Variants in OPCML observed in about 807,000 individuals in gnomAD.
The protein encoded by OPCML is opioid binding protein/cell adhesion molecule like, also known as opioid-binding protein/cell adhesion molecule.
A neutral mutation model predicts 37.8 loss-of-function variants in OPCML; 13 were observed. That is an observed-to-expected ratio of 0.34 (90% CI 0.22 to 0.55). OPCML has a LOEUF of 0.55. Among genes scored for constraint, OPCML ranks in the 20% least tolerant of loss-of-function variants. OPCML has a pLI of 0.91. For missense variants in OPCML, 341 were observed against 435.6 expected (o/e 0.78, Z 1.93); for synonymous variants, 176 against 168.8 (o/e 1.04, Z -0.33).
chr11:132,499,994 A>G (rs2096242165), intron 4 of OPCML, among the ~76,000 whole-genome samples: 1 of 152,200 alleles, frequency 6.6e-6, no homozygotes. Context: ...AGAAGCAGTG[A>G]AGAGGAAGGT....
intron 4 of OPCML, among the ~76,000 whole-genome samples, chr11:132,478,929 C>T (rs2096167255): frequency 6.6e-6 from 1 of 152,148 alleles, no homozygotes; most frequent in Non-Finnish European, 1.5e-5. Flanking sequence ...AAGGACTACT[C>T]ATCAGCTGAA....
At chr11:132,440,404 G>T (rs1386724179) in intron 4 of OPCML, among the ~76,000 whole-genome samples, 1 of 151,800 alleles carries the variant, frequency 6.6e-6, no homozygotes, top group Admixed American at 6.6e-5. Context: ...CCACGTTTCT[G>T]ACACATGCCC....
chr11:132,722,234 C>T lies in OPCML; in HGVS notation c.147-64915G>A, dbSNP rs139072241. Reference sequence around the variant, plus strand: ...CCTCCCAAAGTGCTGGGATTACAGGCGTGAACCACCACGTCCGGCCTATTT... The same window carrying T: ...CCTCCCAAAGTGCTGGGATTACAGGTGTGAACCACCACGTCCGGCCTATTT... On this transcript the variant is annotated intron_variant, in intron 2 of 7. Transcript: ENST00000524381. Among the ~76,000 whole-genome samples the T allele has an allele frequency of 3.0e-3, 449 of 149,794 alleles. 1 individual carries two copies. Among genetic ancestry groups the T allele is most frequent in the African/African-American group, 0.01 (425 of 40,560 alleles).
chr11:132,579,615 C>T (rs370459121), intron 3 of OPCML, among the ~76,000 whole-genome samples: 1 of 151,988 alleles, frequency 6.6e-6, no homozygotes, highest in South Asian at 2.1e-4. Flanking sequence ...CCCTCCTATC[C>T]CCAAAAGTTC....
Position 133,371,692 on chromosome 11 carries a change from T to C in OPCML, c.61+160572A>G, listed in dbSNP as rs141869100. On this transcript the variant is annotated intron_variant, in intron 1 of 7. Coordinates refer to ENST00000524381, the MANE Select transcript of OPCML (RefSeq NM_001012393.5). ...GTTTCCTGAGGCCTCCACAGCCATGTGGAACTGGGAGTCAATTAACCTCTT... is the reference window on the plus strand; with the variant it reads ...GTTTCCTGAGGCCTCCACAGCCATGCGGAACTGGGAGTCAATTAACCTCTT... Among the ~76,000 whole-genome samples, 678 of 152,364 alleles carry C rather than the reference T, an allele frequency of 4.4e-3. 3 individuals carry two copies. The highest frequency in any genetic ancestry group is 0.015 in the African/African-American group (612 of 41,584).
chr11:132,557,227 A>C (rs996734998), intron 3 of OPCML, among the ~76,000 whole-genome samples: 3 of 152,220 alleles, frequency 2.0e-5, no homozygotes, highest in African/African-American at 4.8e-5. Context: ...TGGGAGCCAG[A>C]AACCAATTTA....
chr11:133,455,994 C>T (rs1946664936), intron 1 of OPCML, among the ~76,000 whole-genome samples: 1 of 152,166 alleles, frequency 6.6e-6, no homozygotes, highest in Non-Finnish European at 1.5e-5. Context: ...TCTAACTTGT[C>T]TGTGGGCTTT....
chr11:132,658,217 A>G (rs1941797928), intron 2 of OPCML, among the ~76,000 whole-genome samples: 1 of 152,220 alleles, frequency 6.6e-6, no homozygotes. Context: ...AGGCACACCC[A>G]TCACTCCATG....
intron 1 of OPCML, among the ~76,000 whole-genome samples, chr11:133,230,986 G>C (rs948184236): frequency 2.0e-5 from 3 of 152,134 alleles, no homozygotes; most frequent in African/African-American, 4.8e-5. Flanking sequence ...TGTGCAGGGC[G>C]CTTTCCACAC....
At chr11:132,692,887 T>C (rs945405861) in intron 2 of OPCML, among the ~76,000 whole-genome samples, 7 of 152,230 alleles carry the variant, frequency 4.6e-5, no homozygotes, top group Admixed American at 3.9e-4. Context: ...GCTTTAACAA[T>C]TCCTCTAAAT....
At chr11:133,176,968 C>T (rs182948691) in intron 1 of OPCML, among the ~76,000 whole-genome samples, 86 of 152,292 alleles carry the variant, frequency 5.6e-4, no homozygotes, top group Non-Finnish European at 9.0e-4. Context: ...TGTCTTCACA[C>T]ACTCCTTGGG....
chr11:132,625,384 T>A (rs1250281336), intron 3 of OPCML, among the ~76,000 whole-genome samples: 1 of 152,160 alleles, frequency 6.6e-6, no homozygotes. Flanking sequence ...GCTTGTTGAC[T>A]CCTGTCACCT....
At chr11:133,098,150 T>C (rs1949031417) in intron 1 of OPCML, among the ~76,000 whole-genome samples, 1 of 151,390 alleles carries the variant, frequency 6.6e-6, no homozygotes, top group South Asian at 2.1e-4. Context: ...TCCAACAATG[T>C]ACAGAAAGAA....
intron 1 of OPCML, chr11:133,006,719 C>T (rs1187538435): frequency 1.0e-6 from 1 of 985,444 alleles, no homozygotes; most frequent in Non-Finnish European, 1.2e-6. Flanking sequence ...TGTTCCAGCA[C>T]CTTTCTGCAC....
Position 133,528,093 on chromosome 11 carries a change from AG to A in OPCML, c.61+4170del, listed in dbSNP as rs148435852. ...GTGCTAAGAATTCGAGAAAGCACAA[AG>A]GCAGACAGGACCGAGGGAACATGGG... is the stretch of plus-strand genomic sequence containing the variant. On this transcript the variant is annotated intron_variant, in intron 1 of 7. Transcript: ENST00000524381. Among the ~76,000 whole-genome samples, 513 of 152,360 alleles carry A rather than the reference AG, an allele frequency of 3.4e-3. 9 individuals are homozygous for A. The East Asian group carries it at 0.07, about 21-fold the overall frequency.
chr11:132,528,728 T>C (rs1435042394), intron 4 of OPCML, among the ~76,000 whole-genome samples: 1 of 152,184 alleles, frequency 6.6e-6, no homozygotes, highest in African/African-American at 2.4e-5. Flanking sequence ...ACTCTTGCAC[T>C]CTACTTCCAG....
intron 1 of OPCML, among the ~76,000 whole-genome samples, chr11:133,465,589 C>A (rs1946958587): frequency 6.6e-6 from 1 of 152,102 alleles, no homozygotes. Context: ...TGTCCTAAGT[C>A]AATAAGCACA....
At chr11:132,512,262 A>T (rs1002012626) in intron 4 of OPCML, among the ~76,000 whole-genome samples, 1 of 152,122 alleles carries the variant, frequency 6.6e-6, no homozygotes, top group African/African-American at 2.4e-5. Context: ...ATAGGAATAC[A>T]AATTGGTACA....
intron 3 of OPCML, among the ~76,000 whole-genome samples, chr11:132,598,939 T>A (rs1282086772): frequency 6.6e-6 from 1 of 152,196 alleles, no homozygotes; most frequent in African/African-American, 2.4e-5. Flanking sequence ...GAAGAGGCTT[T>A]ACTAGTTCCG....
Sources: allele counts gnomAD v4.1 joint callset (sites outside exome capture counted in the v4.1 genomes callset), GRCh38; gene constraint gnomAD v4.1.1; transcripts MANE v1.5; gene names NCBI Gene and HGNC (gene_info 2026-07-23, HGNC 2026-07-21).